The following TRERF1 variants were observed in gnomAD, a reference collection of about 807,000 sequenced individuals.
TRERF1 encodes the protein transcriptional regulating factor 1.
A neutral mutation model predicts 122.9 loss-of-function variants in TRERF1; 27 were observed. The ratio of observed to expected loss-of-function variants is 0.22; its 90% CI spans 0.16 to 0.30. The LOEUF is 0.30. TRERF1 is among the 10% of genes least tolerant of loss of function. The pLI, the probability that TRERF1 is intolerant of heterozygous loss-of-function variation, is 1.00. For synonymous variants in TRERF1, 636 were observed against 641.7 expected, an observed-to-expected ratio of 0.99 and a Z score of 0.13; for missense variants, 1,248 against 1,560.3, an observed-to-expected ratio of 0.80 and a Z score of 3.37.
At chr6:42,294,986 T>C (rs541409146) in intron 4 of TRERF1, among the ~76,000 whole-genome samples, 1 of 151,888 alleles carries the variant, frequency 6.6e-6, no homozygotes, top group East Asian at 1.9e-4. Flanking sequence ...GGACAGAGGC[T>C]GTTAATAGAC....
Position 42,275,848 on chromosome 6 carries a change from T to C in TRERF1, c.-258-6000A>G, listed in dbSNP as rs924472528. Among the ~76,000 whole-genome samples, 1 of 152,214 alleles carries C rather than the reference T, an allele frequency of 6.6e-6. No homozygotes were observed. The highest frequency in any genetic ancestry group is 2.1e-4 in the South Asian group (1 of 4,832). On this transcript the variant is annotated intron_variant, in intron 4 of 17. Coordinates refer to ENST00000372922, the Ensembl canonical transcript of TRERF1. This position sits in a 1 kb window ranked among gnomAD's most constrained non-coding sequence, Gnocchi z 4.1. ...TTTTCAGCTTTGGGGCCCATACATA[T>C]GGTTTCTGTCACAACGCTGCCACGG...
intron 2 of TRERF1, among the ~76,000 whole-genome samples, chr6:42,433,883 A>C (rs1485174394): frequency 6.6e-6 from 1 of 152,060 alleles, no homozygotes; most frequent in Non-Finnish European, 1.5e-5. Context: ...TAATTATCCA[A>C]GCATGGTGGA....
intron 2 of TRERF1, among the ~76,000 whole-genome samples, chr6:42,364,805 C>A (rs73733155): frequency 0.013 from 2,022 of 152,140 alleles, 43 homozygotes; most frequent in East Asian, 0.068. Flanking sequence ...TCCACACATC[C>A]ATCTGTAAGG....
chr6:42,271,123 T>G (rs1373179786), intron 4 of TRERF1, among the ~76,000 whole-genome samples: 3 of 149,616 alleles, frequency 2.0e-5, no homozygotes, highest in Admixed American at 2.0e-4. Context: ...AGGCAGAGGT[T>G]GCAGTGAGCC....
chr6:42,327,839 C>T (rs1404248218), intron 3 of TRERF1, among the ~76,000 whole-genome samples: 1 of 151,970 alleles, frequency 6.6e-6, no homozygotes, highest in African/African-American at 2.4e-5. Context: ...TGGGGAACAG[C>T]AGGGCAGGCA....
At chr6:42,300,578 A>T (rs1785994196) in intron 4 of TRERF1, 60 bp downstream of exon 4, 1 of 152,634 alleles carries the variant, frequency 6.6e-6, no homozygotes, top group Non-Finnish European at 1.5e-5. Context: ...ATGCATACAG[A>T]AAGTGTTAAA....
At position 42,275,932 on chromosome 6, in the gene TRERF1, C is replaced by T. The variant is rs180867670; in HGVS notation, c.-258-6084G>A. Among the ~76,000 whole-genome samples, 15 of 152,354 alleles carry T rather than the reference C, an allele frequency of 9.8e-5. No homozygotes were observed. In the East Asian group the frequency reaches 2.7e-3, roughly 27 times the overall value. On this transcript the variant is annotated intron_variant, in intron 4 of 17. Transcript: ENST00000372922. The surrounding 1 kb of genome is among the most constrained non-coding windows in gnomAD (Gnocchi z 4.1). The stretch of plus-strand genomic sequence containing the variant: ...GAATGGGCGTGGCTGTGTTCCAATA[C>T]AACTTTATTTATGGACGCTGAAACT...
intron 2 of TRERF1, among the ~76,000 whole-genome samples, chr6:42,403,825 G>T (rs1438413197): frequency 6.6e-6 from 1 of 152,164 alleles, no homozygotes; most frequent in African/African-American, 2.4e-5. Flanking sequence ...TCCAGTCCTA[G>T]AGCTGTTAGT....
chr6:42,339,405 C>A (rs1181543602), intron 3 of TRERF1, among the ~76,000 whole-genome samples: 2 of 152,142 alleles, frequency 1.3e-5, no homozygotes, highest in Non-Finnish European at 2.9e-5. Flanking sequence ...CCCCAACTCA[C>A]AATATAATAG....
At chr6:42,424,887 T>C (rs1218204749) in intron 2 of TRERF1, among the ~76,000 whole-genome samples, 1 of 152,228 alleles carries the variant, frequency 6.6e-6, no homozygotes, top group Non-Finnish European at 1.5e-5. Context: ...TGAAAGCCCA[T>C]CACTATTTTC....
intron 3 of TRERF1, among the ~76,000 whole-genome samples, chr6:42,361,363 T>C (rs1337892115): frequency 6.6e-6 from 1 of 152,234 alleles, no homozygotes; most frequent in Admixed American, 6.5e-5. Context: ...CAGACTACGA[T>C]GTGTGTGAAT....
At chr6:42,383,787 C>T (rs1776362019) in intron 2 of TRERF1, among the ~76,000 whole-genome samples, 1 of 151,990 alleles carries the variant, frequency 6.6e-6, no homozygotes, top group Non-Finnish European at 1.5e-5. Context: ...CTTGGAAAGA[C>T]CAACAACTCA....
intron 3 of TRERF1, among the ~76,000 whole-genome samples, chr6:42,332,851 T>C (rs1765469097): frequency 2.0e-5 from 3 of 152,022 alleles, no homozygotes; most frequent in African/African-American, 7.3e-5. Flanking sequence ...GAGGAGGGTC[T>C]TCTACGGAGG....
At chr6:42,287,173 G>C (rs1011901856) in intron 4 of TRERF1, among the ~76,000 whole-genome samples, 1 of 145,442 alleles carries the variant, frequency 6.9e-6, no homozygotes, top group Non-Finnish European at 1.5e-5. Flanking sequence ...GGATAGCATC[G>C]GGAGATATAC....
intron 2 of TRERF1, among the ~76,000 whole-genome samples, chr6:42,364,631 G>T (rs1772382563): frequency 6.6e-6 from 1 of 152,224 alleles, no homozygotes; most frequent in African/African-American, 2.4e-5. Context: ...AGTGTCCGTT[G>T]TGTGTGGCAA....
In TRERF1 at chr6:42,328,341, C is replaced by A. The variant is rs550054538; in HGVS notation, c.-370-27592G>T. Among the ~76,000 whole-genome samples the A allele has an allele frequency of 2.6e-3, 399 of 151,932 alleles. 3 individuals carry two copies. The highest frequency in any genetic ancestry group is 9.1e-3 in the South Asian group (44 of 4,816). On this transcript the variant is annotated intron_variant, in intron 3 of 17. Coordinates refer to ENST00000372922, the Ensembl canonical transcript of TRERF1. Reference sequence around the variant, plus strand: ...CCTAATTAAAAAACAAACAAACAAACAAAAAAACAACTTTTATTTTAGGCT... The same window carrying A: ...CCTAATTAAAAAACAAACAAACAAAAAAAAAAACAACTTTTATTTTAGGCT...
At position 42,445,337 on chromosome 6, in the gene TRERF1, A is replaced by G. The variant is rs569615670; in HGVS notation, c.-454+5840T>C. Among the ~76,000 whole-genome samples the G allele has an allele frequency of 1.3e-4, 17 of 134,524 alleles. No individual in the cohort carries two copies. The East Asian group carries it at 3.6e-3, about 28-fold the overall frequency. The allele number at this position is 134,524 out of a possible 152,430, so 88.3% of individuals were successfully genotyped here. A position where few individuals can be genotyped will look rare whatever the true frequency, so the allele number is the denominator to read the frequency against. ...TTTTTCTGGCCTTATCAGCCTCAGG[A>G]AACACTACACACACAGACACACACA... On this transcript the variant is annotated intron_variant, in intron 2 of 17. Transcript: ENST00000372922.
intron 2 of TRERF1, among the ~76,000 whole-genome samples, chr6:42,381,586 G>A (rs1775931303): frequency 6.6e-6 from 1 of 151,896 alleles, no homozygotes; most frequent in Non-Finnish European, 1.5e-5. Flanking sequence ...GCACCTTGAG[G>A]ACCAAGAGCA....
chr6:42,352,196 T>C (rs1305026683), intron 3 of TRERF1, among the ~76,000 whole-genome samples: 5 of 152,188 alleles, frequency 3.3e-5, no homozygotes, highest in Non-Finnish European at 7.3e-5. Context: ...GGTTTTGCCA[T>C]GTTGCCCAGG....
Sources: gnomAD v4.1 joint callset for allele counts (sites outside exome capture counted in the v4.1 genomes callset) on GRCh38, gnomAD v4.1.1 for gene constraint, Gnocchi (gnomAD v3.1) non-coding constraint, MANE v1.5 for transcripts, NCBI Gene and HGNC (gene_info 2026-07-23, HGNC 2026-07-21) for gene names.